The following ERCC3 variants were observed in gnomAD, a reference collection of about 807,000 sequenced individuals.
The protein encoded by ERCC3 is ERCC excision repair 3, TFIIH core complex helicase subunit, also known as general transcription and DNA repair factor IIH helicase/translocase subunit XPB.
A neutral mutation model predicts 94.2 loss-of-function variants in ERCC3; 66 were observed. The ratio of observed to expected loss-of-function variants is 0.70; its 90% CI spans 0.57 to 0.86. The LOEUF is 0.86. Ranked by LOEUF, ERCC3 falls within the 40% of genes least tolerant of loss-of-function variation. ERCC3 has a pLI of 0.00. For missense variants in ERCC3, 829 were observed against 987.1 expected (o/e 0.84, Z 2.15); for synonymous variants, 349 against 369.1 (o/e 0.95, Z 0.63).
intron 8 of ERCC3, 58 bp downstream of exon 8, chr2:127,286,643 AAC>A: frequency 6.5e-7 from 1 of 1,545,852 alleles, no homozygotes; most frequent in Non-Finnish European, 8.9e-7. Flanking sequence ...TTCCCAACCT[AAC>A]AACTGGAAAT....
chr2:127,286,065 A>T (rs1360847834), intron 8 of ERCC3, among the ~76,000 whole-genome samples: 1 of 152,208 alleles, frequency 6.6e-6, no homozygotes, highest in African/African-American at 2.4e-5. Flanking sequence ...CCGGGCTTCA[A>T]ATAAAACACA....
chr2:127,263,676 G>A (rs1189359858), intron 12 of ERCC3, among the ~76,000 whole-genome samples: 1 of 151,124 alleles, frequency 6.6e-6, no homozygotes, highest in African/African-American at 2.4e-5. Context: ...TAGGTGTGGT[G>A]AGGGTGGGCT....
rs773324801 is a variant in ERCC3, at chr2:127,257,510, G to A, written c.*86C>T. On this transcript the variant is annotated 3_prime_UTR_variant, in exon 15 of 15. Coordinates refer to ENST00000285398, the MANE Select transcript of ERCC3 (RefSeq NM_000122.2). This position sits in a 1 kb window ranked among gnomAD's most constrained non-coding sequence, Gnocchi z 5.4. ...GGCCAACGCTGGAGGGAAGGTCAAAGAGGTGGAAGGAAAATGTTATGCTGA... is the reference window on the plus strand; with the variant it reads ...GGCCAACGCTGGAGGGAAGGTCAAAAAGGTGGAAGGAAAATGTTATGCTGA... The A allele has an allele frequency of 1.6e-4, 258 of 1,567,484 alleles. No individual in the cohort carries two copies. The highest frequency in any genetic ancestry group is 2.2e-4 in the Non-Finnish European group (251 of 1,139,710).
At chr2:127,283,818 T>C (rs934393179) in intron 8 of ERCC3, among the ~76,000 whole-genome samples, 4 of 152,158 alleles carry the variant, frequency 2.6e-5, no homozygotes, top group African/African-American at 9.7e-5. Flanking sequence ...ACTAATGAGG[T>C]TGAACCCTTT....
chr2:127,271,582 T>C lies in ERCC3; in HGVS notation c.1828-129A>G. The stretch of plus-strand genomic sequence containing the variant: ...CTTTTCTCCTCTTTATACCAGGGTC[T>C]ATCTGATGCAGGCAGAGAGAGGTGA... On this transcript the variant is annotated intron_variant, in intron 11 of 14. Coordinates refer to ENST00000285398, the MANE Select transcript of ERCC3 (RefSeq NM_000122.2). This position sits in a 1 kb window ranked among gnomAD's most constrained non-coding sequence, Gnocchi z 5.0. 1 of 741,014 alleles carries C rather than the reference T, an allele frequency of 1.3e-6. No homozygotes were observed. The highest frequency in any genetic ancestry group is 2.4e-6 in the Non-Finnish European group (1 of 421,306). 45.9% of individuals were successfully genotyped at this position (741,014 alleles called of 1,614,324 possible). A position where few individuals can be genotyped will look rare whatever the true frequency, so the allele number is the denominator to read the frequency against.
Position 127,293,691 on chromosome 2 carries a change from T to C in ERCC3, c.56A>G (p.Tyr19Cys). Residue 19 changes from tyrosine (Y) to cysteine (C), a missense_variant, in exon 2 of 15, where the codon TAT becomes TGT. Transcript: ENST00000285398. ...RDKKKSRKRH[Y>C]EDEEDDEEDA... The stretch of plus-strand genomic sequence containing the variant: ...CTCTTCATCATCCTCTTCATCCTCA[T>C]AGTGCCGCTTCCTGGATTTCTTCTT... 6.2e-7 allele frequency: 1 copy of C among 1,613,552 alleles called. No individual in the cohort carries two copies. Among genetic ancestry groups the C allele is most frequent in the Non-Finnish European group, 8.5e-7 (1 of 1,180,018 alleles).
intron 10 of ERCC3, among the ~76,000 whole-genome samples, chr2:127,278,091 A>C (rs1282833165): frequency 6.6e-6 from 1 of 151,696 alleles, no homozygotes; most frequent in Non-Finnish European, 1.5e-5. Flanking sequence ...AACAAAAATT[A>C]GCTGGGTGTG....
At position 127,288,641 on chromosome 2, in the gene ERCC3, TAA is replaced by T. The variant is rs758702395; in HGVS notation, c.1027+17_1027+18del. ...AGACACAACAGCCTGACCACCTTCT[TAA>T]CTCTGGTACCACTTACCGCAGGGAA... On this transcript the variant is annotated intron_variant, in intron 7 of 14. Coordinates refer to ENST00000285398, the MANE Select transcript of ERCC3 (RefSeq NM_000122.2). 17 of 1,610,014 alleles carry T rather than the reference TAA, an allele frequency of 1.1e-5. No homozygotes were observed. Among genetic ancestry groups the T allele is most frequent in the African/African-American group, 2.7e-5 (2 of 74,832 alleles).
At chr2:127,293,739 A>G in intron 1 of ERCC3, 21 bp from the exon 2 acceptor site, 5 of 1,608,540 alleles carry the variant, frequency 3.1e-6, no homozygotes, top group Non-Finnish European at 4.2e-6. Context: ...CCAACACAGA[A>G]GTAAGCCCAG....
chr2:127,289,472 C>A lies in ERCC3; in HGVS notation c.687G>T (p.Gly229=). The change falls in exon 6 of 15, where the codon GGG becomes GGT. Residue 229 remains glycine (G), a synonymous_variant. Transcript: ENST00000285398. ...AISKTAESSG[G]PSTSRVTDPQ... ...GATCTGTCACTCGGGAAGTGGAGGG[C>A]CCACCACTGCTTTCAGCAGTCTTAG... The A allele has an allele frequency of 6.2e-7, 1 of 1,612,700 alleles. No individual in the cohort carries two copies. Among genetic ancestry groups the A allele is most frequent in the Admixed American group, 1.7e-5 (1 of 60,022 alleles).
intron 1 of ERCC3, 61 bp downstream of exon 1, chr2:127,293,993 A>G: frequency 2.5e-6 from 4 of 1,588,082 alleles, no homozygotes; most frequent in Non-Finnish European, 3.4e-6. Context: ...GCTCCGAGGC[A>G]GAGCGGGGGG....
At chr2:127,269,587 A>T (rs944679866) in intron 12 of ERCC3, among the ~76,000 whole-genome samples, 2 of 151,236 alleles carry the variant, frequency 1.3e-5, no homozygotes, top group African/African-American at 4.8e-5. Flanking sequence ...ACGCCCAGCT[A>T]ATTTTTTGTA....
Position 127,257,780 on chromosome 2 carries a change from C to T in ERCC3, c.2218-53G>A. The T allele has an allele frequency of 6.3e-7, 1 of 1,599,534 alleles. No homozygotes were observed. The highest frequency in any genetic ancestry group is 2.2e-5 in the East Asian group (1 of 44,736). On this transcript the variant is annotated intron_variant, in intron 14 of 14. Transcript: ENST00000285398. The surrounding 1 kb of genome is among the most constrained non-coding windows in gnomAD (Gnocchi z 5.4). Reference sequence around the variant, plus strand: ...TTAGTCTCCAGAAGAAAAGATACTCCTTTTATAATACTTATAATCACAGCA... The same window carrying T: ...TTAGTCTCCAGAAGAAAAGATACTCTTTTTATAATACTTATAATCACAGCA...
In ERCC3 at chr2:127,290,105, T is replaced by G. The variant is rs1685217579; in HGVS notation, c.521+119A>C. ...GGCCACATCTCTTGTTTCTCTTCTCTTATCTGTGCTTCACAGAAAAGACAG... is the reference window on the plus strand; with the variant it reads ...GGCCACATCTCTTGTTTCTCTTCTCGTATCTGTGCTTCACAGAAAAGACAG... On this transcript the variant is annotated intron_variant, in intron 4 of 14. Coordinates refer to ENST00000285398, the MANE Select transcript of ERCC3 (RefSeq NM_000122.2). 4 of 902,094 alleles carry G rather than the reference T, an allele frequency of 4.4e-6. No individual in the cohort carries two copies. In the South Asian group the frequency reaches 5.4e-5, roughly 12 times the overall value. The allele number at this position is 902,094 out of a possible 1,614,324, so 55.9% of individuals were successfully genotyped here.
In ERCC3 at chr2:127,257,861, C is replaced by T. The variant is rs1342651269; in HGVS notation, c.2218-134G>A. The T allele has an allele frequency of 6.9e-6, 7 of 1,017,684 alleles. No homozygotes were observed. The highest frequency in any genetic ancestry group is 2.6e-5 in the East Asian group (1 of 38,230). The allele number at this position is 1,017,684 out of a possible 1,614,324, so 63.0% of individuals were successfully genotyped here. On this transcript the variant is annotated intron_variant, in intron 14 of 14. Coordinates refer to ENST00000285398, the MANE Select transcript of ERCC3 (RefSeq NM_000122.2). This position sits in a 1 kb window ranked among gnomAD's most constrained non-coding sequence, Gnocchi z 5.4. ...ATCATTTTTAATAATGTTTACAGATCGCTTACTGTCTCAGGCATTGTTCTA... is the reference window on the plus strand; with the variant it reads ...ATCATTTTTAATAATGTTTACAGATTGCTTACTGTCTCAGGCATTGTTCTA...
intron 10 of ERCC3, among the ~76,000 whole-genome samples, chr2:127,278,108 C>T (rs1481299932): frequency 1.3e-5 from 2 of 151,324 alleles, no homozygotes; most frequent in African/African-American, 2.4e-5. Flanking sequence ...TGTGGTGGTG[C>T]GTGCCTGTAG....
intron 12 of ERCC3, among the ~76,000 whole-genome samples, chr2:127,263,682 G>T (rs1684262652): frequency 6.6e-6 from 1 of 151,620 alleles, no homozygotes; most frequent in African/African-American, 2.4e-5. Context: ...TGGTGAGGGT[G>T]GGCTCTTTGT....
chr2:127,289,799 C>G lies in ERCC3; in HGVS notation c.547G>C (p.Asp183His), dbSNP rs1478932651. The part of the protein sequence containing the change: ...NRYFVESCHP[D>H]VIQHLLQDPV... Reference sequence around the variant, plus strand: ...TCCTGGAGAAGATGCTGGATTACATCAGGGTGGCAACTTTCAACGAAGTAT... The same window carrying G: ...TCCTGGAGAAGATGCTGGATTACATGAGGGTGGCAACTTTCAACGAAGTAT... Residue 183 changes from aspartate to histidine, a missense_variant, in exon 5 of 15, where the codon GAT (aspartate) becomes CAT (histidine). Coordinates refer to ENST00000285398, the MANE Select transcript of ERCC3 (RefSeq NM_000122.2). 6.2e-7 allele frequency: 1 copy of G among 1,614,026 alleles called. No individual in the cohort carries two copies. The highest frequency in any genetic ancestry group is 8.5e-7 in the Non-Finnish European group (1 of 1,180,032).
At position 127,292,717 on chromosome 2, in the gene ERCC3, A is replaced by T; in HGVS notation, c.364T>A (p.Ser122Thr). 1 of 1,614,014 alleles carries T rather than the reference A, an allele frequency of 6.2e-7. No homozygotes were observed. Among genetic ancestry groups the T allele is most frequent in the Non-Finnish European group, 8.5e-7 (1 of 1,179,854 alleles). Residue 122 changes from serine to threonine, a missense_variant, in exon 3 of 15, where the codon TCC becomes ACC. Physicochemically the swap from Ser to Thr is moderately conservative, Grantham distance 58. Transcript: ENST00000285398. Reference sequence around the variant, plus strand: ...CCAACGCTGACAGCTGCATACAAGGAGTAGGCAGTTAGTTTGTACTCATGC... The same window carrying T: ...CCAACGCTGACAGCTGCATACAAGGTGTAGGCAGTTAGTTTGTACTCATGC... ...HVHEYKLTAY[S>T]LYAAVSVGLQ...
Sources: allele counts gnomAD v4.1 joint callset (sites outside exome capture counted in the v4.1 genomes callset), GRCh38; gene constraint gnomAD v4.1.1; non-coding constraint Gnocchi (gnomAD v3.1); transcripts MANE v1.5; gene names NCBI Gene and HGNC (gene_info 2026-07-23, HGNC 2026-07-21).